CNTNAP2: variants seen among roughly 807,000 people sequenced by gnomAD.
The protein encoded by CNTNAP2 is contactin-associated protein-like 2.
A neutral mutation model predicts 155.2 loss-of-function variants in CNTNAP2; 98 were observed. The ratio of observed to expected loss-of-function variants is 0.63; its 90% confidence interval spans 0.54 to 0.75. CNTNAP2 has a LOEUF of 0.75. Ranked by LOEUF, CNTNAP2 falls within the 30% of genes least tolerant of loss-of-function variation. The probability of loss-of-function intolerance (pLI) is 0.00; values close to 1 mark genes in which losing one functional copy is unlikely to be tolerated. For missense variants in CNTNAP2, 1,727 were observed against 1,688.1 expected, an observed-to-expected ratio of 1.02 and a Z score of -0.40; for synonymous variants, 651 against 631.2, an observed-to-expected ratio of 1.03 and a Z score of -0.47.
intron 3 of CNTNAP2, among the ~76,000 whole-genome samples, chr7:146,855,805 GAGTATATATATATATATATATA>G (rs1443116432): frequency 3.6e-5 from 2 of 54,796 alleles, no homozygotes; most frequent in African/African-American, 1.2e-4. Context: ...GTGTGTTAAT[GAGTATATATATATATATATATA>G]TATATATATA....
intron 15 of CNTNAP2, chr7:148,056,465 A>C (rs1803012432): frequency 6.6e-6 from 1 of 152,204 alleles, no homozygotes; most frequent in African/African-American, 2.4e-5. Context: ...AACAGTATAA[A>C]CCTTTTACAT....
intron 13 of CNTNAP2, among the ~76,000 whole-genome samples, chr7:147,791,945 C>T (rs1481257271): frequency 1.3e-5 from 2 of 152,190 alleles, no homozygotes; most frequent in Non-Finnish European, 2.9e-5. Flanking sequence ...GGGCATAGAG[C>T]GGCTTGGCCC....
intron 2 of CNTNAP2, among the ~76,000 whole-genome samples, chr7:146,809,884 T>A (rs948173051): frequency 2.0e-5 from 3 of 152,164 alleles, no homozygotes; most frequent in African/African-American, 7.2e-5. Context: ...TTGCTTTTAT[T>A]TCCTGTGATT....
chr7:146,165,856 G>C (rs1237901718), intron 1 of CNTNAP2, among the ~76,000 whole-genome samples: 1 of 152,052 alleles, frequency 6.6e-6, no homozygotes, highest in Non-Finnish European at 1.5e-5. Flanking sequence ...AGATGCATTA[G>C]GTCATGATAG....
intron 3 of CNTNAP2, among the ~76,000 whole-genome samples, chr7:146,971,124 G>C (rs1415211158): frequency 6.6e-6 from 1 of 151,922 alleles, no homozygotes; most frequent in Non-Finnish European, 1.5e-5. Context: ...AAGTTAATGG[G>C]TGCAGCACAC....
At chr7:147,408,194 G>C (rs971263115) in intron 10 of CNTNAP2, among the ~76,000 whole-genome samples, 43 of 152,084 alleles carry the variant, frequency 2.8e-4, no homozygotes, top group African/African-American at 9.4e-4. Flanking sequence ...ATACCCCATG[G>C]AATTGTTGGA....
chr7:147,893,845 C>G (rs909780211), intron 13 of CNTNAP2, among the ~76,000 whole-genome samples: 3 of 152,194 alleles, frequency 2.0e-5, no homozygotes, highest in African/African-American at 7.2e-5. Flanking sequence ...GAAGAGGAAG[C>G]TGTCTGTATT....
intron 21 of CNTNAP2, among the ~76,000 whole-genome samples, chr7:148,331,501 T>G: frequency 9.8e-6 from 1 of 102,224 alleles, no homozygotes; most frequent in African/African-American, 4.4e-5. Flanking sequence ...ACAGATGGAG[T>G]TGATGGATGG....
chr7:146,224,381 A>G (rs1799256969), intron 1 of CNTNAP2, among the ~76,000 whole-genome samples: 1 of 151,024 alleles, frequency 6.6e-6, no homozygotes, highest in South Asian at 2.1e-4. Flanking sequence ...CCAAACCCTA[A>G]TTTTGTTGTT....
intron 12 of CNTNAP2, among the ~76,000 whole-genome samples, chr7:147,616,477 A>T (rs1410500930): frequency 1.3e-5 from 2 of 151,648 alleles, no homozygotes; most frequent in East Asian, 1.9e-4. Context: ...ATCATTTCCT[A>T]CTCTTTTCTC....
At chr7:147,174,528 A>T (rs1295291156) in intron 8 of CNTNAP2, among the ~76,000 whole-genome samples, 1 of 152,182 alleles carries the variant, frequency 6.6e-6, no homozygotes, top group Non-Finnish European at 1.5e-5. Context: ...CCCATGAAGA[A>T]AGGATATATG....
At chr7:148,276,508 A>C (rs1342784155) in intron 21 of CNTNAP2, among the ~76,000 whole-genome samples, 1 of 152,196 alleles carries the variant, frequency 6.6e-6, no homozygotes, top group Non-Finnish European at 1.5e-5. Flanking sequence ...CAGCACTTCC[A>C]GCTTGTCCCG....
chr7:148,290,436 A>G (rs1797169574), intron 21 of CNTNAP2, among the ~76,000 whole-genome samples: 1 of 152,218 alleles, frequency 6.6e-6, no homozygotes, highest in Non-Finnish European at 1.5e-5. Context: ...TAAGAAAGAA[A>G]GTAAATCTGG....
In CNTNAP2 at chr7:147,558,696, C is replaced by CG. The variant is rs1401926932; in HGVS notation, c.1778-3442_1778-3441insG. On this transcript the variant is annotated intron_variant, in intron 11 of 23. Transcript: ENST00000361727. Reference sequence around the variant, plus strand: ...AGAAAACTTTTTTCCTTCGTTCGTTCTTTCCTTCCTTCCTTCCTTCCTTCC... The same window carrying CG: ...AGAAAACTTTTTTCCTTCGTTCGTTCGTTTCCTTCCTTCCTTCCTTCCTTCC... Among the ~76,000 whole-genome samples, 624 of 118,278 alleles carry CG rather than the reference C, an allele frequency of 5.3e-3. 4 individuals carry two copies. Among genetic ancestry groups the CG allele is most frequent in the African/African-American group, 0.018 (544 of 29,796 alleles). 77.6% of individuals were successfully genotyped at this position (118,278 alleles called of 152,430 possible).
intron 1 of CNTNAP2, among the ~76,000 whole-genome samples, chr7:146,717,765 T>C (rs1450917196): frequency 6.6e-6 from 1 of 152,158 alleles, no homozygotes; most frequent in Non-Finnish European, 1.5e-5. Flanking sequence ...TTGAGGTTTT[T>C]TTTTGTGCCA....
chr7:146,823,895 AG>A (rs1803347336), intron 2 of CNTNAP2, among the ~76,000 whole-genome samples: 1 of 152,050 alleles, frequency 6.6e-6, no homozygotes, highest in South Asian at 2.1e-4. Context: ...TTTTACCTTA[AG>A]TTCTGGGATA....
At chr7:146,218,960 A>G (rs559604889) in intron 1 of CNTNAP2, among the ~76,000 whole-genome samples, 208 of 152,164 alleles carry the variant, frequency 1.4e-3, no homozygotes, top group Non-Finnish European at 2.3e-3. Context: ...TAAAGACACT[A>G]TCTGAGACTA....
At chr7:146,542,001 G>A (rs982157844) in intron 1 of CNTNAP2, among the ~76,000 whole-genome samples, 2 of 151,948 alleles carry the variant, frequency 1.3e-5, no homozygotes, top group African/African-American at 4.8e-5. Context: ...TTTTAATCTA[G>A]CCATGAAAAT....
chr7:146,241,612 T>G (rs1427038521), intron 1 of CNTNAP2, among the ~76,000 whole-genome samples: 2 of 152,178 alleles, frequency 1.3e-5, no homozygotes, highest in Non-Finnish European at 2.9e-5. Flanking sequence ...TGTGACATTT[T>G]TTTTAGAAAG....
Sources: allele counts gnomAD v4.1 joint callset (sites outside exome capture counted in the v4.1 genomes callset), GRCh38; gene constraint gnomAD v4.1.1; transcripts MANE v1.5; gene names NCBI Gene and HGNC (gene_info 2026-07-23, HGNC 2026-07-21).